The following LRRC4C variants were observed in gnomAD, a reference collection of about 807,000 sequenced individuals.
The protein encoded by LRRC4C is leucine rich repeat containing 4C.
A neutral mutation model predicts 33.6 loss-of-function variants in LRRC4C; 5 were observed. The observed-to-expected ratio is 0.15, with a 90% CI of 0.08 to 0.31. LRRC4C has a LOEUF of 0.31. Among genes scored for constraint, LRRC4C ranks in the 10% least tolerant of loss-of-function variants. LRRC4C has a pLI of 1.00. For synonymous variants in LRRC4C, 329 were observed against 302.0 expected (o/e 1.09, Z -0.93); for missense variants, 560 against 796.7 (o/e 0.70, Z 3.58).
chr11:40,445,059 C>A (rs1297764233), intron 3 of LRRC4C, among the ~76,000 whole-genome samples: 1 of 152,166 alleles, frequency 6.6e-6, no homozygotes, highest in Non-Finnish European at 1.5e-5. Flanking sequence ...AAGGCATAAG[C>A]AATTGTGGAG....
rs544240593 is a variant in LRRC4C at position 41,152,854 on chromosome 11, G to A, written c.-495-219131C>T. Among the ~76,000 whole-genome samples, 18 of 152,222 alleles carry A rather than the reference G, an allele frequency of 1.2e-4. No homozygotes were observed. The South Asian group carries it at 3.5e-3, about 30-fold the overall frequency. ...GTAGAAGGTTGGTCTCCTTTCTGGGGAAATGGGAAATTCCTGATCTCAACA... is the reference window on the plus strand; with the variant it reads ...GTAGAAGGTTGGTCTCCTTTCTGGGAAAATGGGAAATTCCTGATCTCAACA... On this transcript the variant is annotated intron_variant, in intron 1 of 6. Coordinates refer to ENST00000528697, the MANE Select transcript of LRRC4C (RefSeq NM_001258419.2).
intron 4 of LRRC4C, among the ~76,000 whole-genome samples, chr11:40,307,365 T>C (rs1239570332): frequency 6.6e-6 from 1 of 152,200 alleles, no homozygotes; most frequent in Non-Finnish European, 1.5e-5. Flanking sequence ...AATAGAATTG[T>C]GGCTCCCAAG....
chr11:41,192,675 T>C (rs555884194), intron 1 of LRRC4C, among the ~76,000 whole-genome samples: 1 of 152,178 alleles, frequency 6.6e-6, no homozygotes, highest in Admixed American at 6.6e-5. Context: ...TTTACGTGAA[T>C]GCAGAATTGC....
chr11:40,871,017 T>G (rs1166175434), intron 2 of LRRC4C, among the ~76,000 whole-genome samples: 1 of 152,036 alleles, frequency 6.6e-6, no homozygotes, highest in Non-Finnish European at 1.5e-5. Flanking sequence ...GGGGCGGCCG[T>G]CTTTTATGGT....
Position 40,731,475 on chromosome 11 carries a change from C to T in LRRC4C, c.-406-83197G>A, listed in dbSNP as rs185334472. Reference sequence around the variant, plus strand: ...CCAGAAGCCAAGCAGATGCTGGTACCATGCTTGTACAGCCTACAGAACCAT... The same window carrying T: ...CCAGAAGCCAAGCAGATGCTGGTACTATGCTTGTACAGCCTACAGAACCAT... On this transcript the variant is annotated intron_variant, in intron 2 of 6. Transcript: ENST00000528697. Among the ~76,000 whole-genome samples the T allele has an allele frequency of 5.7e-4, 86 of 152,162 alleles. No individual in the cohort carries two copies. The Middle Eastern group carries it at 0.01, about 18-fold the overall frequency.
chr11:40,201,438 C>T (rs1484134676), intron 5 of LRRC4C, among the ~76,000 whole-genome samples: 3 of 152,092 alleles, frequency 2.0e-5, no homozygotes, highest in Non-Finnish European at 2.9e-5. Context: ...ACAAACTAAA[C>T]AAATCTTTTC....
intron 1 of LRRC4C, among the ~76,000 whole-genome samples, chr11:41,410,621 T>C (rs922837853): frequency 5.9e-5 from 9 of 151,898 alleles, no homozygotes; most frequent in African/African-American, 2.2e-4. Flanking sequence ...TTTGTATTTT[T>C]AGTAGAGACG....
chr11:40,545,643 G>C (rs1956883005), intron 3 of LRRC4C, among the ~76,000 whole-genome samples: 1 of 151,898 alleles, frequency 6.6e-6, no homozygotes, highest in Non-Finnish European at 1.5e-5. Flanking sequence ...CACATATTAA[G>C]TATAAACAAG....
intron 2 of LRRC4C, among the ~76,000 whole-genome samples, chr11:40,926,527 A>G (rs1957411977): frequency 6.6e-6 from 1 of 152,230 alleles, no homozygotes. Flanking sequence ...AAATTTGGCA[A>G]GGACATAAGA....
intron 1 of LRRC4C, among the ~76,000 whole-genome samples, chr11:41,304,610 T>C (rs866830206): frequency 0.051 from 1,245 of 24,464 alleles, no homozygotes; most frequent in South Asian, 0.066. Flanking sequence ...CCGCCCCGTC[T>C]GGGAGGGAGG....
chr11:40,344,763 T>C (rs1947044819), intron 3 of LRRC4C, among the ~76,000 whole-genome samples: 1 of 152,200 alleles, frequency 6.6e-6, no homozygotes, highest in African/African-American at 2.4e-5. Flanking sequence ...CCCCATAGTC[T>C]GTGCCCAAAA....
At chr11:40,131,777 A>G (rs1856660441) in intron 6 of LRRC4C, among the ~76,000 whole-genome samples, 1 of 152,226 alleles carries the variant, frequency 6.6e-6, no homozygotes, top group African/African-American at 2.4e-5. Context: ...TTATTCGTCT[A>G]GCACTGATGA....
chr11:40,529,445 G>T (rs1248842849), intron 3 of LRRC4C, among the ~76,000 whole-genome samples: 1 of 152,080 alleles, frequency 6.6e-6, no homozygotes, highest in Non-Finnish European at 1.5e-5. Flanking sequence ...ATAAGACAGA[G>T]ATAATAGCGG....
intron 3 of LRRC4C, among the ~76,000 whole-genome samples, chr11:40,465,279 A>C (rs1322406297): frequency 3.6e-4 from 54 of 151,912 alleles, no homozygotes; most frequent in Admixed American, 3.5e-3. Context: ...GAAACCGGTC[A>C]CATGTCTCTC....
chr11:40,428,973 T>C (rs1044941055), intron 3 of LRRC4C, among the ~76,000 whole-genome samples: 4 of 152,224 alleles, frequency 2.6e-5, no homozygotes, highest in Admixed American at 2.6e-4. Context: ...CCTACACTTA[T>C]TAATGAAAGT....
chr11:40,507,790 A>C (rs888114966), intron 3 of LRRC4C, among the ~76,000 whole-genome samples: 1 of 144,716 alleles, frequency 6.9e-6, no homozygotes, highest in Admixed American at 7.1e-5. Context: ...TGCAGGCTGG[A>C]GTGCAGTGGC....
At chr11:40,977,114 A>G (rs1852141982) in intron 1 of LRRC4C, among the ~76,000 whole-genome samples, 1 of 152,058 alleles carries the variant, frequency 6.6e-6, no homozygotes, top group Non-Finnish European at 1.5e-5. Flanking sequence ...GCACTTTACA[A>G]TAGGGTTTGC....
chr11:41,262,874 T>C (rs1949028265), intron 1 of LRRC4C, among the ~76,000 whole-genome samples: 1 of 152,108 alleles, frequency 6.6e-6, no homozygotes. Context: ...ACCTGAGAAT[T>C]TAAGTGTTTT....
chr11:40,212,134 C>A (rs773683858), intron 5 of LRRC4C, among the ~76,000 whole-genome samples: 3 of 152,064 alleles, frequency 2.0e-5, no homozygotes, highest in Admixed American at 6.5e-5. Context: ...AGTATGTTTA[C>A]CAGATTGAGT....
Sources: allele counts gnomAD v4.1 joint callset (sites outside exome capture counted in the v4.1 genomes callset), GRCh38; gene constraint gnomAD v4.1.1; transcripts MANE v1.5; gene names NCBI Gene and HGNC (gene_info 2026-07-23, HGNC 2026-07-21).